Variants in ERG observed in about 807,000 individuals in gnomAD.
The protein encoded by ERG is transcriptional regulator ERG.
In ERG, 9 loss-of-function variants were observed where a neutral mutation model predicts 55.3. The ratio of observed to expected loss-of-function variants is 0.16; its 90% CI spans 0.10 to 0.28. The LOEUF (loss-of-function observed/expected upper bound fraction) is 0.28. Among genes scored for constraint, ERG ranks in the 10% least tolerant of loss-of-function variants. ERG has a pLI of 1.00. For synonymous variants in ERG, 223 were observed against 237.3 expected (o/e 0.94, Z 0.55); for missense variants, 434 against 631.6 (o/e 0.69, Z 3.35).
At chr21:38,409,495 A>AAC (rs1028602920) in intron 3 of ERG, among the ~76,000 whole-genome samples, 4 of 150,604 alleles carry the variant, frequency 2.7e-5, no homozygotes, top group African/African-American at 9.7e-5. Flanking sequence ...TCATAAAAAA[A>AAC]AAAAAAAAAA....
chr21:38,595,020 C>T (rs2060122686), intron 1 of ERG, among the ~76,000 whole-genome samples: 1 of 152,060 alleles, frequency 6.6e-6, no homozygotes, highest in Non-Finnish European at 1.5e-5. Context: ...GCAGAAGTTC[C>T]AGAAAAATGA....
intron 1 of ERG, among the ~76,000 whole-genome samples, chr21:38,591,493 A>G (rs1350481308): frequency 6.6e-6 from 1 of 152,168 alleles, no homozygotes; most frequent in Non-Finnish European, 1.5e-5. Context: ...GGAGTTCAAG[A>G]CCAGCCTGGC....
At chr21:38,445,742 C>T in intron 1 of ERG, 121 bp from the exon 2 acceptor site, 1 of 709,386 alleles carries the variant, frequency 1.4e-6, no homozygotes, top group Non-Finnish European at 2.4e-6. Flanking sequence ...TTATGGTCTC[C>T]ATTTCTACCT....
intron 1 of ERG, among the ~76,000 whole-genome samples, chr21:38,644,481 G>C (rs2060444323): frequency 6.6e-6 from 1 of 152,166 alleles, no homozygotes. Flanking sequence ...ATTGCCTGCA[G>C]ACATCTTGGT....
At chr21:38,370,370 G>A in the ERG span, among the ~76,000 whole-genome samples, 1 of 151,918 alleles carries the variant, frequency 6.6e-6, no homozygotes, top group Admixed American at 6.6e-5. Context: ...CTCCCAGCAG[G>A]TAGTTTATCT....
chr21:38,640,731 C>G (rs981570544), intron 1 of ERG, among the ~76,000 whole-genome samples: 1 of 152,104 alleles, frequency 6.6e-6, no homozygotes, highest in Non-Finnish European at 1.5e-5. Flanking sequence ...GTCTCAGGTA[C>G]ATCTTTATCA....
At chr21:38,395,790 C>G (rs1381252389) in intron 6 of ERG, among the ~76,000 whole-genome samples, 1 of 152,176 alleles carries the variant, frequency 6.6e-6, no homozygotes, top group African/African-American at 2.4e-5. Flanking sequence ...CTCCACCACA[C>G]CCTTTTGAAG....
At chr21:38,466,852 C>T (rs2059095682) in intron 1 of ERG, among the ~76,000 whole-genome samples, 1 of 152,174 alleles carries the variant, frequency 6.6e-6, no homozygotes, top group African/African-American at 2.4e-5. Flanking sequence ...GGTTTCTCTA[C>T]TGGAATGATA....
At chr21:38,634,580 G>A (rs1456812859) in intron 1 of ERG, among the ~76,000 whole-genome samples, 10 of 152,196 alleles carry the variant, frequency 6.6e-5, no homozygotes, top group Non-Finnish European at 1.5e-5. Flanking sequence ...CAAGTGGAGA[G>A]AACATCTGTA....
chr21:38,445,629 C>T lies in ERG; in HGVS notation c.19-8G>A. 6.2e-7 allele frequency: 1 copy of T among 1,610,664 alleles called. No homozygotes were observed. The highest frequency in any genetic ancestry group is 1.3e-5 in the African/African-American group (1 of 74,940). The stretch of plus-strand genomic sequence containing the variant: ...CACAACTGATAAGGCTTCCTGAATG[C>T]CCAAAGAAACACATAATTCAAGACA... On this transcript the variant is annotated splice_polypyrimidine_tract_variant and splice_region_variant and intron_variant, in intron 1 of 9. Transcript: ENST00000288319.
intron 2 of ERG, among the ~76,000 whole-genome samples, chr21:38,536,365 G>A (rs2059710491): frequency 6.6e-6 from 1 of 152,110 alleles, no homozygotes; most frequent in Non-Finnish European, 1.5e-5. Context: ...GTTTCAAGAA[G>A]AGTCATTCCA....
chr21:38,595,842 C>T (rs1217927184), intron 1 of ERG, among the ~76,000 whole-genome samples: 1 of 152,130 alleles, frequency 6.6e-6, no homozygotes, highest in Non-Finnish European at 1.5e-5. Flanking sequence ...CAACATATCA[C>T]TAGGGGGTTC....
At chr21:38,493,718 G>C (rs530388120) in intron 1 of ERG, among the ~76,000 whole-genome samples, 2 of 152,184 alleles carry the variant, frequency 1.3e-5, no homozygotes, top group African/African-American at 4.8e-5. Flanking sequence ...GCACCACCTC[G>C]GGCGACCCCT....
intron 2 of ERG, among the ~76,000 whole-genome samples, chr21:38,538,436 T>C (rs1445487776): frequency 4.6e-5 from 7 of 152,102 alleles, no homozygotes; most frequent in Admixed American, 6.6e-5. Flanking sequence ...TTCTTAGTTC[T>C]TGGATCAAGG....
chr21:38,655,870 T>C (rs758202385), intron 1 of ERG, among the ~76,000 whole-genome samples: 1 of 152,350 alleles, frequency 6.6e-6, no homozygotes, highest in Non-Finnish European at 1.5e-5. Flanking sequence ...TACCCAGCTC[T>C]GCCCCCTCAA....
intron 1 of ERG, among the ~76,000 whole-genome samples, chr21:38,644,977 C>T (rs771977460): frequency 6.6e-6 from 1 of 152,004 alleles, no homozygotes; most frequent in Non-Finnish European, 1.5e-5. Flanking sequence ...GGCAACACAG[C>T]GAGACCCCAT....
chr21:38,573,367 G>A (rs1204984026), intron 2 of ERG, among the ~76,000 whole-genome samples: 1 of 152,186 alleles, frequency 6.6e-6, no homozygotes, highest in Non-Finnish European at 1.5e-5. Flanking sequence ...ATAGAGGAAG[G>A]CCACTGTCTC....
chr21:38,598,530 C>T (rs957794655), intron 1 of ERG, among the ~76,000 whole-genome samples: 1 of 152,196 alleles, frequency 6.6e-6, no homozygotes, highest in Non-Finnish European at 1.5e-5. Flanking sequence ...TAACTGAGTG[C>T]AAAATGGGAC....
intron 1 of ERG, among the ~76,000 whole-genome samples, chr21:38,483,090 C>T (rs2059252210): frequency 1.3e-5 from 2 of 152,186 alleles, no homozygotes; most frequent in Admixed American, 1.3e-4. Context: ...CATGATCTCA[C>T]TTATATGTAA....
Sources: gnomAD v4.1 joint callset for allele counts (sites outside exome capture counted in the v4.1 genomes callset) on GRCh38, gnomAD v4.1.1 for gene constraint, MANE v1.5 for transcripts, NCBI Gene and HGNC (gene_info 2026-07-23, HGNC 2026-07-21) for gene names.